The following POT1 variants were observed in gnomAD, a reference collection of about 807,000 sequenced individuals.
POT1 encodes the protein protection of telomeres protein 1.
Under a neutral mutation model 78.5 loss-of-function variants are expected in POT1, and 47 were observed. The ratio of observed to expected loss-of-function variants is 0.60; its 90% CI spans 0.47 to 0.76. The LOEUF is 0.76. Ranked by LOEUF, POT1 falls within the 30% of genes least tolerant of loss-of-function variation. The probability of loss-of-function intolerance (pLI) is 0.00; values close to 1 mark genes in which losing one functional copy is unlikely to be tolerated. For synonymous variants in POT1, 259 were observed against 260.7 expected (o/e 0.99, Z 0.06); for missense variants, 646 against 749.9 (o/e 0.86, Z 1.62).
At chr7:124,928,582 C>CTA (rs1182955604) in intron 2 of POT1, among the ~76,000 whole-genome samples, 6 of 152,296 alleles carry the variant, frequency 3.9e-5, no homozygotes, top group African/African-American at 1.4e-4. Context: ...AGTTCCGGGA[C>CTA]TATATTTATT....
At chr7:124,832,361 A>G (rs746516615) in intron 15 of POT1, among the ~76,000 whole-genome samples, 1 of 151,716 alleles carries the variant, frequency 6.6e-6, no homozygotes, top group Non-Finnish European at 1.5e-5. Context: ...TAATTTTTCT[A>G]TAAGTTAAAA....
At chr7:124,857,757 T>A (rs11975788) in intron 9 of POT1, among the ~76,000 whole-genome samples, 91,211 of 151,992 alleles carry the variant, frequency 0.6, 27,505 homozygotes, top group African/African-American at 0.64. Context: ...ACCATCTTCA[T>A]TTTATTCTTG....
intron 15 of POT1, among the ~76,000 whole-genome samples, chr7:124,832,713 C>T (rs574891566): frequency 2.2e-4 from 33 of 149,546 alleles, no homozygotes; most frequent in African/African-American, 7.4e-4. Context: ...AGCTACTCGG[C>T]GGGGGGGTTG....
intron 15 of POT1, among the ~76,000 whole-genome samples, chr7:124,831,533 T>TAA (rs200370932): frequency 6.6e-6 from 1 of 151,168 alleles, no homozygotes; most frequent in African/African-American, 2.4e-5. Context: ...TCATATAATT[T>TAA]AAAAAAAAAC....
chr7:124,878,327 C>T (rs985236292), intron 6 of POT1, among the ~76,000 whole-genome samples: 6 of 150,880 alleles, frequency 4.0e-5, no homozygotes, highest in African/African-American at 9.8e-5. Flanking sequence ...GCAACTCTGT[C>T]TCAAAAAAAG....
At chr7:124,852,017 C>T (rs530581412) in intron 10 of POT1, 66 bp from the exon 11 acceptor site, 7 of 1,049,664 alleles carry the variant, frequency 6.7e-6, no homozygotes, top group African/African-American at 3.2e-5. Context: ...TTTAGCTCTA[C>T]CCACAAAATC....
intron 7 of POT1, among the ~76,000 whole-genome samples, chr7:124,868,824 A>AT (rs1048363645): frequency 3.4e-4 from 51 of 150,940 alleles, no homozygotes; most frequent in Non-Finnish European, 1.3e-4. Flanking sequence ...TGATAATTCA[A>AT]TTTTTTTGAA....
At chr7:124,906,234 T>C (rs56321660) in intron 3 of POT1, among the ~76,000 whole-genome samples, 91,329 of 151,906 alleles carry the variant, frequency 0.6, 27,587 homozygotes, top group African/African-American at 0.65. Flanking sequence ...GACTTGGAAG[T>C]AACCCAAATG....
chr7:124,842,251 T>A (rs1237218856), intron 13 of POT1, among the ~76,000 whole-genome samples: 1 of 151,984 alleles, frequency 6.6e-6, no homozygotes, highest in African/African-American at 2.4e-5. Context: ...TCAGAATATG[T>A]CTTGAGCCGA....
At chr7:124,859,142 A>C (rs1795522131) in intron 8 of POT1, 30 bp from the exon 9 acceptor site, 1 of 1,437,630 alleles carries the variant, frequency 7.0e-7, no homozygotes, top group African/African-American at 1.4e-5. Flanking sequence ...TAGTTTTATG[A>C]TCCTTTTGAA....
At chr7:124,890,891 C>T (rs1213156440) in intron 6 of POT1, among the ~76,000 whole-genome samples, 1 of 151,766 alleles carries the variant, frequency 6.6e-6, no homozygotes, top group East Asian at 1.9e-4. Flanking sequence ...AAAGATCTTG[C>T]TATTTTAAAT....
intron 7 of POT1, among the ~76,000 whole-genome samples, chr7:124,868,601 GACC>G (rs1395680442): frequency 1.3e-5 from 2 of 151,046 alleles, no homozygotes; most frequent in Non-Finnish European, 3.0e-5. Context: ...TATGTTTTCT[GACC>G]ACCACAATAA....
At chr7:124,887,255 T>C (rs1796268354) in intron 6 of POT1, among the ~76,000 whole-genome samples, 1 of 152,060 alleles carries the variant, frequency 6.6e-6, no homozygotes, top group African/African-American at 2.4e-5. Flanking sequence ...AAGCACAAAT[T>C]TCTCTACTTC....
intron 6 of POT1, among the ~76,000 whole-genome samples, chr7:124,888,084 T>C (rs1326085996): frequency 6.6e-6 from 1 of 152,134 alleles, no homozygotes; most frequent in African/African-American, 2.4e-5. Flanking sequence ...CCCTGTTTTA[T>C]TCCAGAACAT....
Position 124,909,807 on chromosome 7 carries a change from G to A in POT1, c.-154+5767C>T, listed in dbSNP as rs533241924. 1.6e-4 allele frequency among the ~76,000 whole-genome samples: 24 copies of A among 151,858 alleles called. 1 individual carries two copies. The highest frequency in any genetic ancestry group is 2.4e-4 in the Non-Finnish European group (16 of 67,792). ...TTTGTAGATGTACTATACATGTTTT[G>A]TTAATTCATAGCATAACCCTTTTAT... On this transcript the variant is annotated intron_variant, in intron 3 of 18. Coordinates refer to ENST00000357628, the MANE Select transcript of POT1 (RefSeq NM_015450.3).
At chr7:124,870,677 TA>T (rs1267763157) in intron 7 of POT1, among the ~76,000 whole-genome samples, 1 of 152,172 alleles carries the variant, frequency 6.6e-6, no homozygotes, top group Non-Finnish European at 1.5e-5. Context: ...GAACCAGTTT[TA>T]ATCATGGCAT....
chr7:124,853,040 T>C lies in POT1; in HGVS notation c.801A>G (p.Gly267=), dbSNP rs1554423995. 1.2e-6 allele frequency: 2 copies of C among 1,613,068 alleles called. No homozygotes were observed. The highest frequency in any genetic ancestry group is 1.7e-6 in the Non-Finnish European group (2 of 1,179,110). ...TGATTCCCCGACCGTAACTGGTACC[T>C]CCATGAAGATGAAACTCTAAACTTA... ...TMLSLEFHLH[G]GTSYGRGIRV... Residue 267 remains glycine (G), a synonymous_variant, in exon 10 of 19, where the codon GGA becomes GGG. Transcript: ENST00000357628.
chr7:124,868,533 C>G (rs1795787051), intron 7 of POT1, among the ~76,000 whole-genome samples: 1 of 151,652 alleles, frequency 6.6e-6, no homozygotes, highest in Admixed American at 6.6e-5. Context: ...TTATATTGAC[C>G]ATATGTTAGA....
chr7:124,863,024 A>T (rs527482501), intron 8 of POT1, among the ~76,000 whole-genome samples: 1 of 152,294 alleles, frequency 6.6e-6, no homozygotes, highest in East Asian at 1.9e-4. Flanking sequence ...GGAAACAGAA[A>T]TATTCATGTA....
Sources: allele counts gnomAD v4.1 joint callset (sites outside exome capture counted in the v4.1 genomes callset), GRCh38; gene constraint gnomAD v4.1.1; transcripts MANE v1.5; gene names NCBI Gene and HGNC (gene_info 2026-07-23, HGNC 2026-07-21).